FYN: variants seen among roughly 807,000 people sequenced by gnomAD.
FYN encodes the protein tyrosine-protein kinase Fyn.
Under a neutral mutation model 70.2 loss-of-function variants are expected in FYN, and 10 were observed. The observed-to-expected ratio is 0.14, with a 90% CI of 0.09 to 0.24. The LOEUF (loss-of-function observed/expected upper bound fraction) is 0.24. FYN is among the 10% of genes least tolerant of loss of function. The pLI is 1.00. For synonymous variants in FYN, 236 were observed against 248.6 expected, an observed-to-expected ratio of 0.95 and a Z score of 0.48; for missense variants, 319 against 673.1, an observed-to-expected ratio of 0.47 and a Z score of 5.82.
chr6:111,814,159 A>G (rs948211924), intron 2 of FYN: 20 of 152,226 alleles, frequency 1.3e-4, no homozygotes, highest in African/African-American at 4.8e-4. Flanking sequence ...CTACAGGGAA[A>G]AATCCCATGC....
At chr6:111,809,467 C>G (rs141587180) in intron 2 of FYN, among the ~76,000 whole-genome samples, 1 of 152,172 alleles carries the variant, frequency 6.6e-6, no homozygotes, top group Non-Finnish European at 1.5e-5. Flanking sequence ...CATGGTGCTT[C>G]GTGGCATGGG....
intron 2 of FYN, among the ~76,000 whole-genome samples, chr6:111,846,319 T>C (rs1773526332): frequency 1.3e-5 from 2 of 152,166 alleles, no homozygotes; most frequent in South Asian, 4.2e-4. Flanking sequence ...GTGGGAGCCA[T>C]AACTTATAGT....
chr6:111,838,956 C>T (rs956020715), intron 2 of FYN, among the ~76,000 whole-genome samples: 5 of 152,152 alleles, frequency 3.3e-5, no homozygotes, highest in Non-Finnish European at 5.9e-5. Context: ...GACTTCAGAC[C>T]GGGGCTTCCT....
intron 3 of FYN, among the ~76,000 whole-genome samples, chr6:111,720,665 G>A (rs1178257258): frequency 1.3e-5 from 2 of 151,970 alleles, no homozygotes; most frequent in African/African-American, 2.4e-5. Flanking sequence ...AAATAAAATC[G>A]GCAGAACCTA....
intron 4 of FYN, among the ~76,000 whole-genome samples, chr6:111,718,202 A>G (rs1417581386): frequency 6.6e-6 from 1 of 152,198 alleles, no homozygotes; most frequent in Non-Finnish European, 1.5e-5. Flanking sequence ...TTTATGTTCC[A>G]TGTTCCAGGA....
chr6:111,806,787 T>C (rs1772163733), intron 2 of FYN, among the ~76,000 whole-genome samples: 1 of 152,192 alleles, frequency 6.6e-6, no homozygotes, highest in South Asian at 2.1e-4. Context: ...ATTATCTTCA[T>C]ATCTTCCTAA....
At chr6:111,825,955 G>A (rs1772821820) in intron 2 of FYN, among the ~76,000 whole-genome samples, 1 of 152,160 alleles carries the variant, frequency 6.6e-6, no homozygotes, top group South Asian at 2.1e-4. Flanking sequence ...ACTGGATTGG[G>A]TGGGTCTGGA....
chr6:111,797,664 T>C (rs1276460820), intron 2 of FYN, among the ~76,000 whole-genome samples: 1 of 74,216 alleles, frequency 1.3e-5, no homozygotes, highest in Non-Finnish European at 2.8e-5. Flanking sequence ...AATCAAAGTT[T>C]CATATATATA....
chr6:111,764,021 C>A (rs1388717416), intron 3 of FYN, among the ~76,000 whole-genome samples: 2 of 151,636 alleles, frequency 1.3e-5, no homozygotes, highest in African/African-American at 4.9e-5. Context: ...TTGAATTGGT[C>A]AAAAATAATG....
At chr6:111,795,797 G>A (rs1771786299) in intron 2 of FYN, among the ~76,000 whole-genome samples, 1 of 152,184 alleles carries the variant, frequency 6.6e-6, no homozygotes, top group South Asian at 2.1e-4. Flanking sequence ...AGAAACTAAA[G>A]CATTGAGAAG....
intron 4 of FYN, among the ~76,000 whole-genome samples, chr6:111,717,290 T>G (rs1800693116): frequency 6.6e-6 from 1 of 151,746 alleles, no homozygotes; most frequent in African/African-American, 2.4e-5. Flanking sequence ...ACATCTGAAA[T>G]TGAAAAAAAA....
intron 12 of FYN, among the ~76,000 whole-genome samples, chr6:111,693,143 G>A (rs1438861287): frequency 6.6e-6 from 1 of 152,184 alleles, no homozygotes; most frequent in African/African-American, 2.4e-5. Flanking sequence ...ACTTGAGGCT[G>A]CTAAGAATGC....
At chr6:111,777,738 CCCACAAGTTTAGTTTGAAG>C (rs1771007775) in intron 3 of FYN, among the ~76,000 whole-genome samples, 1 of 152,180 alleles carries the variant, frequency 6.6e-6, no homozygotes, top group African/African-American at 2.4e-5. Context: ...TTTCAAGGCA[CCCACAAGTTTAGTTTGAAG>C]AATTTCAAAC....
intron 2 of FYN, among the ~76,000 whole-genome samples, chr6:111,831,185 G>C (rs9400510): frequency 0.031 from 4,728 of 152,156 alleles, 113 homozygotes; most frequent in East Asian, 0.13. Context: ...ACACTTGATG[G>C]AAAGTTTCTC....
At chr6:111,801,006 T>C (rs925135798) in intron 2 of FYN, among the ~76,000 whole-genome samples, 14 of 152,222 alleles carry the variant, frequency 9.2e-5, no homozygotes, top group African/African-American at 3.1e-4. Context: ...TTACATTTCA[T>C]CCTGATGCTT....
intron 2 of FYN, among the ~76,000 whole-genome samples, chr6:111,786,406 T>C (rs1771386253): frequency 6.6e-6 from 1 of 152,260 alleles, no homozygotes; most frequent in African/African-American, 2.4e-5. Context: ...TTTTTATGGC[T>C]GCATAGTATT....
At chr6:111,809,198 T>C (rs1389240874) in intron 2 of FYN, among the ~76,000 whole-genome samples, 11 of 152,194 alleles carry the variant, frequency 7.2e-5, no homozygotes, top group African/African-American at 2.4e-4. Flanking sequence ...AACAAACATA[T>C]GATGTGCTTT....
chr6:111,692,592 C>T (rs1318610485), intron 12 of FYN, among the ~76,000 whole-genome samples: 1 of 152,194 alleles, frequency 6.6e-6, no homozygotes, highest in African/African-American at 2.4e-5. Flanking sequence ...TTTCATTTAC[C>T]CATGGTTCAT....
chr6:111,664,824 G>A (rs1797925570), intron 13 of FYN, among the ~76,000 whole-genome samples: 1 of 152,216 alleles, frequency 6.6e-6, no homozygotes, highest in African/African-American at 2.4e-5. Flanking sequence ...ACTGGGCCAA[G>A]TGGAAACATA....
Sources: gnomAD v4.1 joint callset for allele counts (sites outside exome capture counted in the v4.1 genomes callset) on GRCh38, gnomAD v4.1.1 for gene constraint, MANE v1.5 for transcripts, NCBI Gene and HGNC (gene_info 2026-07-23, HGNC 2026-07-21) for gene names.